The following PLEKHS1 variants were observed in gnomAD, a reference collection of about 807,000 sequenced individuals.
PLEKHS1 encodes the protein pleckstrin homology domain-containing family S member 1.
Under a neutral mutation model 51.0 loss-of-function variants are expected in PLEKHS1, and 55 were observed. The observed-to-expected ratio is 1.08, with a 90% confidence interval of 0.87 to 1.35. PLEKHS1 has a LOEUF of 1.35. Ranked by LOEUF, PLEKHS1 falls within the 40% of genes most tolerant of loss-of-function variation. The pLI is 0.00. For missense variants in PLEKHS1, 398 were observed against 423.0 expected (o/e 0.94, Z 0.52); for synonymous variants, 153 against 144.8 (o/e 1.06, Z -0.41).
exon 5 of PLEKHS1, chr10:113,767,415 C>A (rs770995901): frequency 6.2e-7 from 1 of 1,612,962 alleles, no homozygotes; most frequent in Non-Finnish European, 8.5e-7. Context: ...GTTTAAATGC[C>A]ACCCTGATGA....
At chr10:113,777,927 T>C (rs1191258450) in intron 11 of PLEKHS1, 2 of 512,192 alleles carry the variant, frequency 3.9e-6, no homozygotes, top group Non-Finnish European at 6.5e-6. Context: ...GAATTCAAGG[T>C]TACAGTGTGC....
At chr10:113,755,357 C>A in intron 2 of PLEKHS1, 52 bp downstream of exon 2, 2 of 1,586,064 alleles carry the variant, frequency 1.3e-6, no homozygotes, top group Non-Finnish European at 8.6e-7. Flanking sequence ...TGAAAATGCC[C>A]CACGGTTTCC....
chr10:113,753,602 A>G (rs74426251), intron 1 of PLEKHS1, among the ~76,000 whole-genome samples: 5,688 of 152,180 alleles, frequency 0.037, 183 homozygotes, highest in South Asian at 0.15. Context: ...ATTTGTTCAA[A>G]TGATCACTAC....
At chr10:113,764,397 C>A (rs1205928628) in intron 2 of PLEKHS1, among the ~76,000 whole-genome samples, 1 of 152,162 alleles carries the variant, frequency 6.6e-6, no homozygotes, top group African/African-American at 2.4e-5. Flanking sequence ...CCACACCCAA[C>A]CCTTAAATAT....
chr10:113,761,114 C>T (rs917466500), intron 2 of PLEKHS1, among the ~76,000 whole-genome samples: 2 of 152,156 alleles, frequency 1.3e-5, no homozygotes, highest in Non-Finnish European at 2.9e-5. Flanking sequence ...TGTTTCTGGA[C>T]TCTGAATTCT....
chr10:113,761,566 T>C (rs1843934782), intron 2 of PLEKHS1, among the ~76,000 whole-genome samples: 1 of 152,124 alleles, frequency 6.6e-6, no homozygotes, highest in South Asian at 2.1e-4. Context: ...TTCATAATTT[T>C]ATTTTTGGAT....
chr10:113,777,465 G>C (rs1313144968), intron 11 of PLEKHS1: 1 of 1,598,142 alleles, frequency 6.3e-7, no homozygotes, highest in Non-Finnish European at 8.5e-7. Context: ...ACTGAGCTAA[G>C]AGACAGAGCA....
At chr10:113,758,707 A>G (rs1023851744) in intron 2 of PLEKHS1, among the ~76,000 whole-genome samples, 5 of 152,190 alleles carry the variant, frequency 3.3e-5, no homozygotes, top group African/African-American at 1.2e-4. Flanking sequence ...AGTCTCATTG[A>G]ATAGGGAGGT....
At position 113,769,774 on chromosome 10, in the gene PLEKHS1, T is replaced by C. The variant is rs1340034010; in HGVS notation, c.436-10T>C. 6.3e-7 allele frequency: 1 copy of C among 1,581,810 alleles called. No homozygotes were observed. Among genetic ancestry groups the C allele is most frequent in the East Asian group, 2.2e-5 (1 of 44,712 alleles). ...ACTGTGCCCTGACTGATTCCTTTTT[T>C]TGTGAGCAGGAGGAACTCTCATTGG... On this transcript the variant is annotated splice_polypyrimidine_tract_variant and intron_variant, in intron 6 of 11. Coordinates refer to ENST00000361048, the Ensembl canonical transcript of PLEKHS1.
At chr10:113,773,173 A>G (rs148500917) in intron 8 of PLEKHS1, among the ~76,000 whole-genome samples, 218 of 152,344 alleles carry the variant, frequency 1.4e-3, no homozygotes, top group African/African-American at 4.9e-3. Context: ...TTCTCAGAGC[A>G]TTTAGTATGC....
In PLEKHS1 at chr10:113,774,113, T is replaced by C. The variant is rs971716673; in HGVS notation, c.673-114T>C. 14 of 632,362 alleles carry C rather than the reference T, an allele frequency of 2.2e-5. No homozygotes were observed. The Admixed American group carries it at 3.1e-4, about 14-fold the overall frequency. The allele number at this position is 632,362 out of a possible 1,614,324, so 39.2% of individuals were successfully genotyped here. ...ATTTCTCAAATGAGAACCACGTTCA[T>C]CCACTGGAAACTGTACCTCTATGTC... On this transcript the variant is annotated intron_variant, in intron 8 of 11. Transcript: ENST00000361048.
At chr10:113,769,021 T>C (rs1253472577) in intron 6 of PLEKHS1, 131 bp downstream of exon 6, 1 of 584,448 alleles carries the variant, frequency 1.7e-6, no homozygotes, top group Non-Finnish European at 2.8e-6. Context: ...TGAGAAAATG[T>C]ACATCCTTAT....
At chr10:113,766,662 C>G (rs767668372) in exon 4 of PLEKHS1, 2 of 1,613,080 alleles carry the variant, frequency 1.2e-6, no homozygotes, top group Non-Finnish European at 1.7e-6. Flanking sequence ...GGGAAAAGAG[C>G]TTTAGTCTTT....
chr10:113,753,919 T>G (rs1042950508), intron 1 of PLEKHS1, among the ~76,000 whole-genome samples: 3 of 152,276 alleles, frequency 2.0e-5, no homozygotes, highest in South Asian at 2.1e-4. Context: ...GTGATTCTTC[T>G]GCCTCAGCCT....
At chr10:113,771,970 C>T (rs757038191) in exon 8 of PLEKHS1, 2 of 1,609,028 alleles carry the variant, frequency 1.2e-6, no homozygotes, top group Non-Finnish European at 1.7e-6. Flanking sequence ...TTTTCTTCAG[C>T]ATTTAATGGA....
intron 11 of PLEKHS1, among the ~76,000 whole-genome samples, chr10:113,779,366 C>T (rs1046666127): frequency 6.6e-6 from 1 of 152,002 alleles, no homozygotes; most frequent in Non-Finnish European, 1.5e-5. Context: ...GTCAGGAATT[C>T]GAGACCAGCC....
chr10:113,772,218 G>A (rs546952199), intron 8 of PLEKHS1, 129 bp downstream of exon 8: 15 of 928,784 alleles, frequency 1.6e-5, no homozygotes, highest in Non-Finnish European at 2.1e-5. Context: ...TACAGATGAC[G>A]TGCTCATGGT....
chr10:113,775,848 A>G (rs751670014), exon 11 of PLEKHS1: 30 of 1,611,670 alleles, frequency 1.9e-5, no homozygotes, highest in Non-Finnish European at 2.4e-5. Context: ...GCTCTCACAG[A>G]AGCCACAGGA....
At chr10:113,753,579 G>C (rs150685478) in intron 1 of PLEKHS1, among the ~76,000 whole-genome samples, 1 of 152,092 alleles carries the variant, frequency 6.6e-6, no homozygotes, top group East Asian at 1.9e-4. Context: ...TCAGATGCCC[G>C]AGAAAAGTTG....
Sources: gnomAD v4.1 joint callset for allele counts (sites outside exome capture counted in the v4.1 genomes callset) on GRCh38, gnomAD v4.1.1 for gene constraint, MANE v1.5 for transcripts, NCBI Gene and HGNC (gene_info 2026-07-23, HGNC 2026-07-21) for gene names.